Variants in USP34 observed in about 807,000 individuals in gnomAD.
The protein encoded by USP34 is ubiquitin carboxyl-terminal hydrolase 34.
In USP34, 70 loss-of-function variants were observed where a neutral mutation model predicts 460.3. The ratio of observed to expected loss-of-function variants is 0.15; its 90% CI spans 0.13 to 0.19. The LOEUF (loss-of-function observed/expected upper bound fraction) is 0.19, where lower values mean the gene tolerates loss of function less well. Among genes scored for constraint, USP34 ranks in the 10% least tolerant of loss-of-function variants. USP34 has a pLI of 1.00. For synonymous variants in USP34, 1,647 were observed against 1,405.3 expected (o/e 1.17, Z -3.85); for missense variants, 3,985 against 4,236.2 (o/e 0.94, Z 1.65).
In USP34 at chr2:61,421,807, G is replaced by GCA. The variant is rs1558585001; in HGVS notation, c.44-975_44-974insTG. 4.6e-5 allele frequency among the ~76,000 whole-genome samples: 7 copies of GCA among 152,142 alleles called. No homozygotes were observed. In the South Asian group the frequency reaches 6.2e-4, roughly 14 times the overall value. The stretch of plus-strand genomic sequence containing the variant: ...CACACACACACACACACGCGCGCGC[G>GCA]CGCACCTTCTACTTAATCAGACTAC... On this transcript the variant is annotated intron_variant, in intron 1 of 79. Transcript: ENST00000398571.
chr2:61,417,723 TTTTTTTTC>T lies in USP34; in HGVS notation c.131+3015_131+3022del, dbSNP rs1374662024. Reference sequence around the variant, plus strand: ...ATATATATAAAATACTAAAATCTTTTTTTTTTTCTTTTTTTCTTTTCTTTTTTTTTTTT... The same window carrying T: ...ATATATATAAAATACTAAAATCTTTTTTTTTTTCTTTTCTTTTTTTTTTTT... On this transcript the variant is annotated intron_variant, in intron 2 of 79. Coordinates refer to ENST00000398571, the MANE Select transcript of USP34 (RefSeq NM_014709.4). Among the ~76,000 whole-genome samples, 77 of 138,674 alleles carry T rather than the reference TTTTTTTTC, an allele frequency of 5.6e-4. 1 individual carries two copies. Among genetic ancestry groups the T allele is most frequent in the Non-Finnish European group, 8.3e-4 (55 of 65,914 alleles). 91.0% of individuals were successfully genotyped at this position (138,674 alleles called of 152,430 possible).
chr2:61,463,026 T>A (rs1344430251), intron 1 of USP34, among the ~76,000 whole-genome samples: 1 of 151,604 alleles, frequency 6.6e-6, no homozygotes, highest in Non-Finnish European at 1.5e-5. Flanking sequence ...TAAGACTCCA[T>A]CTCCAAAGGG....
At chr2:61,248,395 C>T (rs1258744494) in intron 49 of USP34, 116 bp downstream of exon 49, 1 of 1,013,056 alleles carries the variant, frequency 9.9e-7, no homozygotes, top group Non-Finnish European at 1.4e-6. Flanking sequence ...TAACCTTCTC[C>T]CTTCTAAGAT....
intron 1 of USP34, among the ~76,000 whole-genome samples, chr2:61,429,588 C>A (rs1406270114): frequency 1.3e-5 from 2 of 151,916 alleles, no homozygotes; most frequent in African/African-American, 2.4e-5. Flanking sequence ...AATGGCACCA[C>A]ATGACAGGTA....
At chr2:61,194,077 G>A (rs772917238) in intron 75 of USP34, 2 of 982,506 alleles carry the variant, frequency 2.0e-6, no homozygotes, top group African/African-American at 1.7e-5. Flanking sequence ...CAGGCAGCAT[G>A]TGGGTTGTAA....
At chr2:61,270,832 GCCA>G (rs1370349646) in intron 41 of USP34, among the ~76,000 whole-genome samples, 3 of 152,152 alleles carry the variant, frequency 2.0e-5, no homozygotes, top group East Asian at 1.9e-4. Context: ...ACAATAGATG[GCCA>G]CCAAGTTTCT....
chr2:61,362,930 C>T (rs972193944), intron 10 of USP34, among the ~76,000 whole-genome samples: 7 of 151,992 alleles, frequency 4.6e-5, no homozygotes. Flanking sequence ...AAAAGAAAAA[C>T]AGACTTAGAG....
intron 1 of USP34, among the ~76,000 whole-genome samples, chr2:61,428,703 C>T (rs375123463): frequency 1.3e-5 from 2 of 152,252 alleles, no homozygotes; most frequent in East Asian, 1.9e-4. Flanking sequence ...AGCCACGGAA[C>T]GAGCAGTTTC....
intron 72 of USP34, among the ~76,000 whole-genome samples, chr2:61,205,778 G>A (rs1318448984): frequency 1.1e-4 from 17 of 152,206 alleles, no homozygotes; most frequent in Admixed American, 1.1e-3. Context: ...GGAAGCTAGA[G>A]ATGAACTAAG....
chr2:61,331,936 T>G (rs1691280309), intron 19 of USP34, among the ~76,000 whole-genome samples: 1 of 152,088 alleles, frequency 6.6e-6, no homozygotes, highest in Non-Finnish European at 1.5e-5. Context: ...TAACACCTAT[T>G]AGCAATTTAT....
chr2:61,203,281 T>G lies in USP34; in HGVS notation c.9385-18A>C. 6.7e-7 allele frequency: 1 copy of G among 1,501,428 alleles called. No individual in the cohort carries two copies. The highest frequency in any genetic ancestry group is 8.9e-7 in the Non-Finnish European group (1 of 1,124,300). 93.0% of individuals were successfully genotyped at this position (1,501,428 alleles called of 1,614,324 possible). A position where few individuals can be genotyped will look rare whatever the true frequency, so the allele number is the denominator to read the frequency against. Reference sequence around the variant, plus strand: ...TCTTTGCCCTGAAGGTTAAAGATGATAAAATGGTTGCACTTAAATTGTATA... The same window carrying G: ...TCTTTGCCCTGAAGGTTAAAGATGAGAAAATGGTTGCACTTAAATTGTATA... On this transcript the variant is annotated intron_variant, in intron 74 of 79. Coordinates refer to ENST00000398571, the MANE Select transcript of USP34 (RefSeq NM_014709.4).
At chr2:61,280,461 T>C (rs776902021) in intron 38 of USP34, 113 bp from the exon 39 acceptor site, 37 of 467,448 alleles carry the variant, frequency 7.9e-5, no homozygotes, top group Non-Finnish European at 1.1e-4. Flanking sequence ...CTAAACAGTA[T>C]TCAAAATCTT....
At position 61,380,169 on chromosome 2, in the gene USP34, T is replaced by C. The variant is rs779186950; in HGVS notation, c.1014A>G (p.Thr338=). The C allele has an allele frequency of 6.2e-7, 1 of 1,611,154 alleles. No homozygotes were observed. The highest frequency in any genetic ancestry group is 2.2e-5 in the East Asian group (1 of 44,806). ...CAAAAATAAAACAAATACAGCTTACTGTTATCTGACTCAATCCAGCCAACC... is the reference window on the plus strand; with the variant it reads ...CAAAAATAAAACAAATACAGCTTACCGTTATCTGACTCAATCCAGCCAACC... ...TMRLAGLSQI[T]NQLHTFNDVC... is the part of the protein sequence containing the mutation. Residue 338 remains threonine, a splice_region_variant and synonymous_variant, in exon 7 of 80, where the codon ACA becomes ACG. Transcript: ENST00000398571.
intron 57 of USP34, among the ~76,000 whole-genome samples, chr2:61,233,744 A>C (rs1687984388): frequency 6.6e-6 from 1 of 151,984 alleles, no homozygotes; most frequent in Non-Finnish European, 1.5e-5. Flanking sequence ...AGGCTGAGGC[A>C]GGATTGCTCA....
At chr2:61,298,806 T>C (rs1443469343) in intron 29 of USP34, among the ~76,000 whole-genome samples, 2 of 152,084 alleles carry the variant, frequency 1.3e-5, no homozygotes, top group Non-Finnish European at 2.9e-5. Context: ...TTAGGTCCTT[T>C]TGCGATACAA....
intron 1 of USP34, among the ~76,000 whole-genome samples, chr2:61,470,149 A>C (rs1695904336): frequency 6.6e-6 from 1 of 152,214 alleles, no homozygotes; most frequent in South Asian, 2.1e-4. Context: ...AGACACCCAC[A>C]AACCCGCAAG....
intron 1 of USP34, among the ~76,000 whole-genome samples, chr2:61,458,275 T>C (rs1288243042): frequency 1.3e-5 from 2 of 151,948 alleles, no homozygotes; most frequent in African/African-American, 2.4e-5. Context: ...AGAAGGTATA[T>C]ACAGGCCAGG....
intron 2 of USP34, among the ~76,000 whole-genome samples, chr2:61,411,395 GA>G (rs1266431292): frequency 2.7e-4 from 39 of 142,006 alleles, no homozygotes; most frequent in African/African-American, 7.2e-4. Context: ...AAAAAAAAAA[GA>G]AAAAAAAACT....
At chr2:61,310,306 T>C (rs551293547) in intron 27 of USP34, among the ~76,000 whole-genome samples, 3 of 152,082 alleles carry the variant, frequency 2.0e-5, no homozygotes, top group South Asian at 2.1e-4. Context: ...CTCTGTCACA[T>C]TGTTTGTAAT....
Sources: allele counts gnomAD v4.1 joint callset (sites outside exome capture counted in the v4.1 genomes callset), GRCh38; gene constraint gnomAD v4.1.1; transcripts MANE v1.5; gene names NCBI Gene and HGNC (gene_info 2026-07-23, HGNC 2026-07-21).